Variants in GRB14 observed in about 807,000 individuals in gnomAD.
GRB14 encodes the protein growth factor receptor bound protein 14, also known as growth factor receptor-bound protein 14.
A neutral mutation model predicts 69.1 loss-of-function variants in GRB14; 38 were observed. That is an observed-to-expected ratio of 0.55 (90% CI 0.42 to 0.72). The LOEUF (loss-of-function observed/expected upper bound fraction) is 0.72, where lower values mean the gene tolerates loss of function less well. GRB14 is among the 30% of genes least tolerant of loss of function. GRB14 has a pLI of 0.00. For missense variants in GRB14, 666 were observed against 666.1 expected (o/e 1.00, Z 0.00); for synonymous variants, 247 against 241.3 (o/e 1.02, Z -0.22).
chr2:164,499,108 T>C (rs1686982891), intron 9 of GRB14, among the ~76,000 whole-genome samples: 1 of 152,150 alleles, frequency 6.6e-6, no homozygotes, highest in Non-Finnish European at 1.5e-5. Context: ...GTAAGCTTCC[T>C]CAATCATAAT....
At chr2:164,607,541 A>G (rs979087210) in intron 2 of GRB14, among the ~76,000 whole-genome samples, 11 of 152,216 alleles carry the variant, frequency 7.2e-5, no homozygotes, top group Non-Finnish European at 1.3e-4. Flanking sequence ...AGGTGGTGGA[A>G]GGCAATGTTA....
intron 8 of GRB14, among the ~76,000 whole-genome samples, chr2:164,503,989 A>G (rs1230758466): frequency 6.6e-6 from 1 of 152,134 alleles, no homozygotes; most frequent in Non-Finnish European, 1.5e-5. Context: ...AGGGACCAAA[A>G]TATGTTAGAG....
Position 164,492,947 on chromosome 2 carries a change from T to A in GRB14, c.*89A>T. 1 of 1,208,800 alleles carries A rather than the reference T, an allele frequency of 8.3e-7. No homozygotes were observed. The highest frequency in any genetic ancestry group is 1.7e-5 in the South Asian group (1 of 59,426). 74.9% of individuals were successfully genotyped at this position (1,208,800 alleles called of 1,614,324 possible). Reference sequence around the variant, plus strand: ...GCAGGTGAAATACATTCTTTTCACATGGTAATGTTTTCGCCCTTATTTATG... The same window carrying A: ...GCAGGTGAAATACATTCTTTTCACAAGGTAATGTTTTCGCCCTTATTTATG... On this transcript the variant is annotated 3_prime_UTR_variant, in exon 14 of 14. Coordinates refer to ENST00000263915, the MANE Select transcript of GRB14 (RefSeq NM_004490.3).
chr2:164,597,701 C>T (rs919528008), intron 2 of GRB14, among the ~76,000 whole-genome samples: 10 of 149,218 alleles, frequency 6.7e-5, no homozygotes, highest in South Asian at 2.1e-4. Context: ...GAGAGGGAGA[C>T]AGAAGGAAGA....
Position 164,547,807 on chromosome 2 carries a change from C to G in GRB14, c.334G>C (p.Val112Leu). The G allele has an allele frequency of 1.2e-6, 2 of 1,609,020 alleles. No homozygotes were observed. The highest frequency in any genetic ancestry group is 1.7e-6 in the Non-Finnish European group (2 of 1,177,074). The change falls in exon 3 of 14, where the codon GTA (valine) becomes CTA (leucine). Residue 112 changes from valine (V) to leucine (L), a missense_variant. Physicochemically the swap from Val to Leu is conservative, Grantham distance 32 (BLOSUM62 1). Coordinates refer to ENST00000263915, the MANE Select transcript of GRB14 (RefSeq NM_004490.3). ...ANSRKKQVIK[V>L]YSEDETSRAL... ...CTGCTGGTTTCATCTTCACTGTATA[C>G]TTTAATCACCTGTGTAGGTAGAAAC...
chr2:164,551,992 G>A (rs981331931), intron 2 of GRB14, among the ~76,000 whole-genome samples: 11 of 152,324 alleles, frequency 7.2e-5, no homozygotes, highest in East Asian at 3.9e-4. Flanking sequence ...AAGACAAAGC[G>A]GGAGCAGGGG....
intron 8 of GRB14, among the ~76,000 whole-genome samples, chr2:164,506,983 T>C (rs1396886039): frequency 6.6e-6 from 1 of 152,146 alleles, no homozygotes; most frequent in Non-Finnish European, 1.5e-5. Flanking sequence ...AGCTGCTTAA[T>C]GGGTATGGAG....
intron 3 of GRB14, among the ~76,000 whole-genome samples, chr2:164,537,086 G>T (rs1368687783): frequency 6.6e-6 from 1 of 152,164 alleles, no homozygotes; most frequent in Non-Finnish European, 1.5e-5. Flanking sequence ...TAAGAGGCAG[G>T]TGTGTCTCCC....
At chr2:164,546,548 G>C (rs922886611) in intron 3 of GRB14, among the ~76,000 whole-genome samples, 1 of 152,160 alleles carries the variant, frequency 6.6e-6, no homozygotes, top group African/African-American at 2.4e-5. Context: ...AAAAGCTCCA[G>C]ATGGTAAGAG....
rs1686920625 is a variant in GRB14 at position 164,497,095 on chromosome 2, G to A, written c.1295C>T (p.Ala432Val). 4 of 1,613,152 alleles carry A rather than the reference G, an allele frequency of 2.5e-6. No individual in the cohort carries two copies. The highest frequency in any genetic ancestry group is 2.7e-5 in the African/African-American group (2 of 75,012). Reference sequence around the variant, plus strand: ...AAACCATGGCTGGGACCGGTGGATAGCTAAAGAAATAGGATGGATGAATGC... The same window carrying A: ...AAACCATGGCTGGGACCGGTGGATAACTAAAGAAATAGGATGGATGAATGC... ...ASSQSSATNM[A>V]IHRSQPWFHH... is the part of the protein sequence containing the mutation. Residue 432 changes from alanine (A) to valine (V), a missense_variant and splice_region_variant, in exon 12 of 14, where the codon GCT (alanine) becomes GTT (valine). Coordinates refer to ENST00000263915, the MANE Select transcript of GRB14 (RefSeq NM_004490.3).
chr2:164,619,292 A>G (rs1283603859), intron 2 of GRB14, among the ~76,000 whole-genome samples: 2 of 152,200 alleles, frequency 1.3e-5, no homozygotes, highest in Non-Finnish European at 2.9e-5. Context: ...GTGAAAAATT[A>G]AAGAAAGTAT....
chr2:164,558,562 T>A (rs1172976797), intron 2 of GRB14, among the ~76,000 whole-genome samples: 1 of 152,192 alleles, frequency 6.6e-6, no homozygotes, highest in African/African-American at 2.4e-5. Flanking sequence ...TTTTTAATAC[T>A]CATGCAATTC....
At chr2:164,546,926 C>T (rs1688393702) in intron 3 of GRB14, among the ~76,000 whole-genome samples, 1 of 152,234 alleles carries the variant, frequency 6.6e-6, no homozygotes, top group South Asian at 2.1e-4. Flanking sequence ...GCCAGCTGTC[C>T]CAAACTGTTG....
chr2:164,613,539 C>T (rs996043983), intron 2 of GRB14, among the ~76,000 whole-genome samples: 2 of 152,152 alleles, frequency 1.3e-5, no homozygotes, highest in East Asian at 3.9e-4. Flanking sequence ...CTTGAGGCCG[C>T]TGGCACTGAC....
chr2:164,567,434 T>C (rs1346642570), intron 2 of GRB14, among the ~76,000 whole-genome samples: 4 of 152,190 alleles, frequency 2.6e-5, no homozygotes, highest in South Asian at 2.1e-4. Flanking sequence ...AATGCACTGA[T>C]AGTTAACAGT....
At position 164,568,425 on chromosome 2, in the gene GRB14, A is replaced by G. The variant is rs1192658909; in HGVS notation, c.325-20609T>C. 5.6e-6 allele frequency: 7 copies of G among 1,253,994 alleles called. No homozygotes were observed. The African/African-American group carries it at 9.4e-5, about 17-fold the overall frequency. 77.7% of individuals were successfully genotyped at this position (1,253,994 alleles called of 1,614,324 possible). ...CTGTCTCGTAGGTCATGGACAAAAT[A>G]AAAGAAATCTTTTATGGTTACTCCT... On this transcript the variant is annotated intron_variant, in intron 2 of 13. Coordinates refer to ENST00000263915, the MANE Select transcript of GRB14 (RefSeq NM_004490.3).
intron 12 of GRB14, among the ~76,000 whole-genome samples, chr2:164,495,488 A>G (rs1171367606): frequency 6.6e-6 from 1 of 152,228 alleles, no homozygotes; most frequent in East Asian, 1.9e-4. Flanking sequence ...AAAACAAGAC[A>G]TGGCCTCTAA....
chr2:164,619,911 G>C (rs1336547961), intron 1 of GRB14, 92 bp from the exon 2 acceptor site: 1 of 999,720 alleles, frequency 1.0e-6, no homozygotes, highest in Non-Finnish European at 1.6e-6. Context: ...AGGCGAACAT[G>C]TACCACTCTG....
chr2:164,578,216 G>C (rs985578927), intron 2 of GRB14, among the ~76,000 whole-genome samples: 2 of 151,738 alleles, frequency 1.3e-5, no homozygotes, highest in African/African-American at 2.4e-5. Context: ...CTGGGCAACA[G>C]AGCAAGACTC....
Sources: allele counts gnomAD v4.1 joint callset (sites outside exome capture counted in the v4.1 genomes callset), GRCh38; gene constraint gnomAD v4.1.1; transcripts MANE v1.5; gene names NCBI Gene and HGNC (gene_info 2026-07-23, HGNC 2026-07-21).